The following NCOA1 variants were observed in gnomAD, a reference collection of about 807,000 sequenced individuals.
NCOA1 encodes the protein Hin-2 protein.
NCOA1 carries 35 observed loss-of-function variants against 150.9 expected under a neutral mutation model. That is an observed-to-expected ratio of 0.23 (90% CI 0.18 to 0.31). NCOA1 has a LOEUF of 0.31. Ranked by LOEUF, NCOA1 falls within the 10% of genes least tolerant of loss-of-function variation. The probability of loss-of-function intolerance (pLI) is 1.00; values close to 1 mark genes in which losing one functional copy is unlikely to be tolerated. For missense variants in NCOA1, 1,491 were observed against 1,749.3 expected, an observed-to-expected ratio of 0.85 and a Z score of 2.63; for synonymous variants, 590 against 630.0, an observed-to-expected ratio of 0.94 and a Z score of 0.95.
intron 3 of NCOA1, among the ~76,000 whole-genome samples, chr2:24,630,077 C>T (rs1669636237): frequency 6.6e-6 from 1 of 151,906 alleles, no homozygotes; most frequent in African/African-American, 2.4e-5. Flanking sequence ...GATCTCCTGA[C>T]CTCGTGATCC....
At chr2:24,741,245 A>G (rs1663586069) in intron 18 of NCOA1, among the ~76,000 whole-genome samples, 1 of 151,316 alleles carries the variant, frequency 6.6e-6, no homozygotes, top group Non-Finnish European at 1.5e-5. Flanking sequence ...ATCACCTATA[A>G]TCACATGTTA....
At chr2:24,767,968 A>T in intron 22 of NCOA1, 1 of 1,033,072 alleles carries the variant, frequency 9.7e-7, no homozygotes, top group African/African-American at 1.6e-5. Flanking sequence ...CACTTTCAGT[A>T]TTGATGGCAA....
chr2:24,508,495 A>G (rs1406311215), intron 1 of NCOA1, among the ~76,000 whole-genome samples: 1 of 152,114 alleles, frequency 6.6e-6, no homozygotes, highest in Non-Finnish European at 1.5e-5. Flanking sequence ...TGTCATTAGC[A>G]TAATCACTTC....
chr2:24,529,465 C>G (rs900978510), intron 1 of NCOA1, among the ~76,000 whole-genome samples: 2 of 152,168 alleles, frequency 1.3e-5, no homozygotes, highest in Non-Finnish European at 2.9e-5. Context: ...GTAGCTAGGA[C>G]TACAGGTGTG....
intron 3 of NCOA1, among the ~76,000 whole-genome samples, chr2:24,600,245 C>T (rs1356537010): frequency 6.6e-6 from 1 of 152,142 alleles, no homozygotes; most frequent in Admixed American, 6.5e-5. Context: ...CTCTGTCGCC[C>T]AGGCTGGAGT....
rs1673722020 is a variant in NCOA1 at position 24,711,021 on chromosome 2, G to T, written c.2509G>T (p.Asp837Tyr). 1.9e-6 allele frequency: 3 copies of T among 1,614,094 alleles called. No homozygotes were observed. The highest frequency in any genetic ancestry group is 2.7e-5 in the African/African-American group (2 of 74,932). ...AGGCTTATGTGAGACAGACAGGATG[G>T]ATGGTGCGGTCACCAGTGTAACCAT... ...LPGLCETDRM[D>Y]GAVTSVTIKS... The change falls in exon 14 of 23, where the codon GAT becomes TAT. Residue 837 changes from aspartate (D) to tyrosine (Y), a missense_variant. Physicochemically the swap from Asp to Tyr is radical, Grantham distance 160. This residue lies in a region of NCOA1 where 703 missense variants were observed against 717.7 expected (regional missense o/e 0.98). Coordinates refer to ENST00000348332, the MANE Select transcript of NCOA1 (RefSeq NM_003743.5).
chr2:24,612,629 A>G (rs566858553), intron 3 of NCOA1, among the ~76,000 whole-genome samples: 113 of 152,178 alleles, frequency 7.4e-4, no homozygotes, highest in Middle Eastern at 3.4e-3. Flanking sequence ...GATCAGTTCA[A>G]AAGGGCAGTC....
intron 2 of NCOA1, among the ~76,000 whole-genome samples, chr2:24,582,466 A>G (rs980356913): frequency 2.0e-5 from 3 of 152,206 alleles, no homozygotes; most frequent in African/African-American, 7.2e-5. Flanking sequence ...CCTACAAAAA[A>G]TGGAAACATA....
At chr2:24,505,813 T>C (rs1398510137) in intron 1 of NCOA1, among the ~76,000 whole-genome samples, 1 of 152,130 alleles carries the variant, frequency 6.6e-6, no homozygotes, top group Admixed American at 6.5e-5. Context: ...TTCCTTGAGA[T>C]TGAAAAACAT....
At chr2:24,737,858 T>C (rs1663403234) in intron 17 of NCOA1, among the ~76,000 whole-genome samples, 2 of 152,232 alleles carry the variant, frequency 1.3e-5, no homozygotes, top group African/African-American at 4.8e-5. Context: ...CCAAACTTTA[T>C]ACAGTATCTT....
chr2:24,616,483 G>C (rs2148397769), intron 3 of NCOA1, among the ~76,000 whole-genome samples: 1 of 152,266 alleles, frequency 6.6e-6, no homozygotes, highest in South Asian at 2.1e-4. Context: ...AGAATTTCTT[G>C]GAAGGGGAGG....
Position 24,726,615 on chromosome 2 carries a change from A to G in NCOA1, c.2626A>G (p.Ile876Val). The G allele has an allele frequency of 6.2e-7, 1 of 1,610,500 alleles. No homozygotes were observed. The highest frequency in any genetic ancestry group is 8.5e-7 in the Non-Finnish European group (1 of 1,178,264). ...ATTACCTGAGCTGGAATTGGAAGCA[A>G]TTGATAACCAATTTGGACAACCAGG... Reference protein sequence around the residue: ...NRLPELELEAIDNQFGQPGTG... With the variant: ...NRLPELELEAVDNQFGQPGTG... Residue 876 changes from isoleucine to valine, a missense_variant, in exon 15 of 23, where the codon ATT becomes GTT. By Grantham distance (29) the Ile-to-Val change is conservative. Transcript: ENST00000348332.
rs553138681 is a variant in NCOA1 at position 24,718,750 on chromosome 2, G to A, written c.2599+7639G>A. On this transcript the variant is annotated intron_variant, in intron 14 of 22. Transcript: ENST00000348332. Reference sequence around the variant, plus strand: ...CAAAAAAAAAAAAAACAAATCAGCCGGGCGGCTACTCAGGAGGCTGAGGCA... The same window carrying A: ...CAAAAAAAAAAAAAACAAATCAGCCAGGCGGCTACTCAGGAGGCTGAGGCA... Among the ~76,000 whole-genome samples the A allele has an allele frequency of 4.1e-4, 61 of 150,518 alleles. 1 individual carries two copies. The highest frequency in any genetic ancestry group is 1.3e-3 in the African/African-American group (54 of 41,008).
At chr2:24,753,578 CA>C (rs1664355294) in intron 20 of NCOA1, among the ~76,000 whole-genome samples, 1 of 152,204 alleles carries the variant, frequency 6.6e-6, no homozygotes, top group Non-Finnish European at 1.5e-5. Flanking sequence ...CAATGCTCAT[CA>C]GTAGCATTTG....
intron 1 of NCOA1, among the ~76,000 whole-genome samples, chr2:24,536,450 C>T (rs890980401): frequency 6.6e-6 from 1 of 152,196 alleles, no homozygotes; most frequent in Non-Finnish European, 1.5e-5. Flanking sequence ...AAGCCTACTT[C>T]TGTCATCTCA....
chr2:24,526,599 CA>C (rs756324834), intron 1 of NCOA1, among the ~76,000 whole-genome samples: 4 of 151,984 alleles, frequency 2.6e-5, no homozygotes, highest in Non-Finnish European at 5.9e-5. Context: ...TACTGTTCTT[CA>C]TTCTTGTGCT....
At chr2:24,622,240 T>G (rs1435645081) in intron 3 of NCOA1, among the ~76,000 whole-genome samples, 4 of 152,194 alleles carry the variant, frequency 2.6e-5, no homozygotes, top group African/African-American at 9.7e-5. Context: ...TAATTTATCC[T>G]CATATACCAC....
intron 3 of NCOA1, among the ~76,000 whole-genome samples, chr2:24,597,057 T>C (rs1176823041): frequency 6.6e-6 from 1 of 152,228 alleles, no homozygotes; most frequent in African/African-American, 2.4e-5. Flanking sequence ...TTTGTGGTTT[T>C]ACTTTATATG....
intron 10 of NCOA1, among the ~76,000 whole-genome samples, chr2:24,697,373 G>A (rs369631349): frequency 6.6e-6 from 1 of 152,128 alleles, no homozygotes; most frequent in East Asian, 1.9e-4. Context: ...AGTTTGAACT[G>A]CATTAGTCTC....
Sources: allele counts gnomAD v4.1 joint callset (sites outside exome capture counted in the v4.1 genomes callset), GRCh38; gene constraint gnomAD v4.1.1; regional missense constraint gnomAD v4.1.1; transcripts MANE v1.5; gene names NCBI Gene and HGNC (gene_info 2026-07-23, HGNC 2026-07-21).